The following ADGRL2 variants were observed in gnomAD, a reference collection of about 807,000 sequenced individuals.
The protein encoded by ADGRL2 is adhesion G protein-coupled receptor L2.
ADGRL2 carries 44 observed loss-of-function variants against 157.4 expected under a neutral mutation model. The observed-to-expected ratio is 0.28, with a 90% confidence interval of 0.22 to 0.36. The LOEUF (loss-of-function observed/expected upper bound fraction) is 0.36. ADGRL2 is among the 10% of genes least tolerant of loss of function. The pLI, the probability that ADGRL2 is intolerant of heterozygous loss-of-function variation, is 1.00. For synonymous variants in ADGRL2, 585 were observed against 624.7 expected, an observed-to-expected ratio of 0.94 and a Z score of 0.95; for missense variants, 1,510 against 1,768.9, an observed-to-expected ratio of 0.85 and a Z score of 2.63.
chr1:81,354,914 A>C (rs1663168733), intron 1 of ADGRL2, among the ~76,000 whole-genome samples: 1 of 152,196 alleles, frequency 6.6e-6, no homozygotes, highest in Admixed American at 6.5e-5. Flanking sequence ...CCTCACAAAT[A>C]CAACGTTCTG....
intron 2 of ADGRL2, among the ~76,000 whole-genome samples, chr1:81,487,157 C>T (rs1194622657): frequency 6.6e-6 from 1 of 151,148 alleles, no homozygotes; most frequent in Non-Finnish European, 1.5e-5. Context: ...GGTCCCACCT[C>T]CTTTGGAGGC....
intron 1 of ADGRL2, among the ~76,000 whole-genome samples, chr1:81,323,706 G>A (rs1660692135): frequency 6.6e-6 from 1 of 152,122 alleles, no homozygotes; most frequent in East Asian, 1.9e-4. Context: ...AGATTTAATT[G>A]GAATAGAGCA....
At chr1:81,710,479 G>T (rs1024253673) in intron 1 of ADGRL2, among the ~76,000 whole-genome samples, 1 of 151,446 alleles carries the variant, frequency 6.6e-6, no homozygotes, top group African/African-American at 2.4e-5. Context: ...AATCAGCTAG[G>T]TATGGTGGCA....
intron 2 of ADGRL2, among the ~76,000 whole-genome samples, chr1:81,470,010 T>C (rs1411166449): frequency 1.3e-5 from 2 of 152,202 alleles, no homozygotes; most frequent in African/African-American, 2.4e-5. Context: ...CAGAGGGCGA[T>C]TCTGCAACAT....
At chr1:81,439,913 G>T (rs111638870) in intron 1 of ADGRL2, among the ~76,000 whole-genome samples, 6 of 152,328 alleles carry the variant, frequency 3.9e-5, no homozygotes, top group African/African-American at 1.4e-4. Context: ...GGAAGGCAGA[G>T]AATTTTGTTG....
At chr1:81,449,379 G>A (rs1294122235) in intron 2 of ADGRL2, among the ~76,000 whole-genome samples, 4 of 152,156 alleles carry the variant, frequency 2.6e-5, no homozygotes, top group African/African-American at 4.8e-5. Flanking sequence ...TGAAGGGGTC[G>A]GGTAATTCAT....
At chr1:81,610,157 A>ACATTTTAT (rs1459038172) in intron 3 of ADGRL2, among the ~76,000 whole-genome samples, 4 of 151,618 alleles carry the variant, frequency 2.6e-5, no homozygotes, top group African/African-American at 9.7e-5. Context: ...CTATTCTGAT[A>ACATTTTAT]CATTTTATGT....
At chr1:81,319,637 A>T (rs1349375694) in intron 1 of ADGRL2, among the ~76,000 whole-genome samples, 1 of 152,234 alleles carries the variant, frequency 6.6e-6, no homozygotes, top group Non-Finnish European at 1.5e-5. Flanking sequence ...GAATGGTTCT[A>T]TAAAGGCTAA....
chr1:81,950,773 T>G (rs1339999804), intron 7 of ADGRL2, among the ~76,000 whole-genome samples: 2 of 152,200 alleles, frequency 1.3e-5, no homozygotes, highest in Non-Finnish European at 2.9e-5. Context: ...AGCATCACTT[T>G]GGATGAATCC....
At chr1:81,668,908 C>T (rs2082810358) in intron 3 of ADGRL2, among the ~76,000 whole-genome samples, 1 of 152,010 alleles carries the variant, frequency 6.6e-6, no homozygotes, top group Non-Finnish European at 1.5e-5. Context: ...ATGATCAACA[C>T]TAACTGTAGG....
intron 2 of ADGRL2, among the ~76,000 whole-genome samples, chr1:81,872,013 A>G (rs1235915768): frequency 3.3e-5 from 5 of 152,148 alleles, no homozygotes; most frequent in South Asian, 4.1e-4. Flanking sequence ...GCCCATGCCT[A>G]TGTCCTGAAT....
At chr1:81,581,972 G>C (rs2148544872) in intron 3 of ADGRL2, among the ~76,000 whole-genome samples, 1 of 151,798 alleles carries the variant, frequency 6.6e-6, no homozygotes, top group African/African-American at 2.4e-5. Context: ...TATAACCCTA[G>C]AACTTTGGGA....
At chr1:81,354,226 C>T (rs967627875) in intron 1 of ADGRL2, among the ~76,000 whole-genome samples, 2 of 152,122 alleles carry the variant, frequency 1.3e-5, no homozygotes, top group East Asian at 1.9e-4. Context: ...TACAATTACT[C>T]ATCTCATCTC....
At chr1:81,507,083 G>A (rs1403418466) in intron 2 of ADGRL2, among the ~76,000 whole-genome samples, 1 of 151,918 alleles carries the variant, frequency 6.6e-6, no homozygotes, top group Non-Finnish European at 1.5e-5. Context: ...GAGTGCAATG[G>A]AGGAATTTTT....
intron 1 of ADGRL2, among the ~76,000 whole-genome samples, chr1:81,703,439 G>T (rs66932869): frequency 0.065 from 9,818 of 152,108 alleles, 429 homozygotes; most frequent in South Asian, 0.14. Context: ...TGTTGTTGTT[G>T]TTGTCTTATT....
At position 81,981,902 on chromosome 1, in the gene ADGRL2, G is replaced by C. The variant is rs574138761; in HGVS notation, c.3208G>C (p.Ala1070Pro). The part of the protein sequence containing the change: ...LFINEETIVM[A>P]YLFTIFNAFQ... ...TATTAATGAGGAGACTATTGTGATG[G>C]CATATCTCTTCACTATATTTAATGC... Residue 1070 changes from alanine (A) to proline (P), a missense_variant, in exon 19 of 24, where the codon GCA becomes CCA. Coordinates refer to ENST00000686636, the MANE Select transcript of ADGRL2 (RefSeq NM_001366006.2). 2.5e-6 allele frequency: 4 copies of C among 1,611,338 alleles called. No individual in the cohort carries two copies. Among genetic ancestry groups the C allele is most frequent in the Non-Finnish European group, 3.4e-6 (4 of 1,178,038 alleles).
At chr1:81,427,748 T>C (rs1184761174) in intron 1 of ADGRL2, 8 of 369,514 alleles carry the variant, frequency 2.2e-5, no homozygotes, top group Non-Finnish European at 4.0e-5. Flanking sequence ...CAATGATCCA[T>C]AGTCAGAAAA....
rs548624687 is a variant in ADGRL2 at position 81,905,878 on chromosome 1, C to T, written c.74-1139C>T. ...ATTTTCTATTAAAATAAATATGGTA[C>T]TACTAGTTTAAGCTGAATTATTTGT... On this transcript the variant is annotated intron_variant, in intron 2 of 23. Transcript: ENST00000686636. Among the ~76,000 whole-genome samples the T allele has an allele frequency of 4.6e-5, 7 of 151,474 alleles. No homozygotes were observed. In the South Asian group the frequency reaches 1.5e-3, roughly 32 times the overall value.
chr1:81,478,802 T>C (rs1039329650), intron 2 of ADGRL2, among the ~76,000 whole-genome samples: 2 of 152,196 alleles, frequency 1.3e-5, no homozygotes, highest in Non-Finnish European at 2.9e-5. Flanking sequence ...TCAGTGTAAG[T>C]TATGAGAAAA....
Sources: gnomAD v4.1 joint callset for allele counts (sites outside exome capture counted in the v4.1 genomes callset) on GRCh38, gnomAD v4.1.1 for gene constraint, MANE v1.5 for transcripts, NCBI Gene and HGNC (gene_info 2026-07-23, HGNC 2026-07-21) for gene names.